The following PAK5 variants were observed in gnomAD, a reference collection of about 807,000 sequenced individuals.
PAK5 encodes serine/threonine-protein kinase PAK 5.
Under a neutral mutation model 65.9 loss-of-function variants are expected in PAK5, and 16 were observed. The ratio of observed to expected loss-of-function variants is 0.24; its 90% CI spans 0.16 to 0.37. PAK5 has a LOEUF of 0.37. PAK5 is among the 10% of genes least tolerant of loss of function. The probability of loss-of-function intolerance (pLI) is 1.00; values close to 1 mark genes in which losing one functional copy is unlikely to be tolerated. For missense variants in PAK5, 785 were observed against 903.9 expected (o/e 0.87, Z 1.69); for synonymous variants, 371 against 354.9 (o/e 1.05, Z -0.51).
chr20:9,759,074 A>G (rs2123641475), intron 1 of PAK5, among the ~76,000 whole-genome samples: 1 of 152,280 alleles, frequency 6.6e-6, no homozygotes, highest in South Asian at 2.1e-4. Context: ...ACTCTTACTG[A>G]GAAAGCAAGC....
chr20:9,661,716 T>G (rs1403130519), intron 2 of PAK5, among the ~76,000 whole-genome samples: 4 of 152,142 alleles, frequency 2.6e-5, no homozygotes. Context: ...GTCTTCATTC[T>G]AAAGGCATTT....
At chr20:9,766,247 T>A (rs1199962409) in intron 1 of PAK5, among the ~76,000 whole-genome samples, 2 of 146,710 alleles carry the variant, frequency 1.4e-5, no homozygotes, top group African/African-American at 2.5e-5. Context: ...GAAAAAAATA[T>A]ATATATATGT....
At chr20:9,662,140 G>A (rs1187975350) in intron 2 of PAK5, among the ~76,000 whole-genome samples, 7 of 152,132 alleles carry the variant, frequency 4.6e-5, no homozygotes, top group Non-Finnish European at 1.0e-4. Flanking sequence ...CCTATGTGAT[G>A]GGAAAATCAG....
At chr20:9,828,250 A>G (rs140807261) in intron 1 of PAK5, among the ~76,000 whole-genome samples, 1,975 of 152,304 alleles carry the variant, frequency 0.013, 36 homozygotes, top group African/African-American at 0.04. Context: ...TTAACCCTCA[A>G]AAAGGGTTAA....
chr20:9,564,704 A>G (rs2045645370), intron 5 of PAK5, among the ~76,000 whole-genome samples: 2 of 152,152 alleles, frequency 1.3e-5, no homozygotes, highest in African/African-American at 4.8e-5. Context: ...ATAAATTATC[A>G]GATATGAAGC....
At chr20:9,596,882 T>C (rs2046279715) in intron 3 of PAK5, among the ~76,000 whole-genome samples, 1 of 152,182 alleles carries the variant, frequency 6.6e-6, no homozygotes, top group South Asian at 2.1e-4. Flanking sequence ...AGGTATCTCC[T>C]TAAACAGCAG....
At chr20:9,823,572 G>C (rs557829356) in intron 1 of PAK5, among the ~76,000 whole-genome samples, 3 of 152,138 alleles carry the variant, frequency 2.0e-5, no homozygotes, top group Non-Finnish European at 4.4e-5. Context: ...CATGTAAGAC[G>C]ATCGTTTGCT....
intron 3 of PAK5, among the ~76,000 whole-genome samples, chr20:9,641,712 T>G (rs1180208949): frequency 6.6e-6 from 1 of 152,060 alleles, no homozygotes; most frequent in Non-Finnish European, 1.5e-5. Flanking sequence ...CATGGCGGGC[T>G]GCAGGTCCCA....
intron 1 of PAK5, among the ~76,000 whole-genome samples, chr20:9,729,650 GA>G (rs1452699853): frequency 6.6e-6 from 1 of 152,170 alleles, no homozygotes. Context: ...TTCTTGCCTA[GA>G]AAATTGATGT....
chr20:9,641,241 G>T (rs2047055933), intron 3 of PAK5, among the ~76,000 whole-genome samples: 1 of 151,740 alleles, frequency 6.6e-6, no homozygotes, highest in Admixed American at 6.6e-5. Flanking sequence ...TAAACACAGG[G>T]TGCTGATTGG....
At chr20:9,548,958 T>G (rs2045386003) in intron 7 of PAK5, among the ~76,000 whole-genome samples, 1 of 152,178 alleles carries the variant, frequency 6.6e-6, no homozygotes, top group Non-Finnish European at 1.5e-5. Context: ...AGAAGCTGGT[T>G]TAGCAGAGAG....
At chr20:9,727,307 C>G (rs1485769559) in intron 1 of PAK5, among the ~76,000 whole-genome samples, 2 of 152,040 alleles carry the variant, frequency 1.3e-5, no homozygotes, top group Non-Finnish European at 2.9e-5. Context: ...ACTGATTAAC[C>G]AAATCAGTGT....
intron 1 of PAK5, among the ~76,000 whole-genome samples, chr20:9,731,542 T>C (rs1050193107): frequency 6.6e-6 from 1 of 152,240 alleles, no homozygotes; most frequent in African/African-American, 2.4e-5. Context: ...TTTACTGTGA[T>C]GGTTAAAGGA....
chr20:9,640,614 C>G (rs2047043570), intron 3 of PAK5, among the ~76,000 whole-genome samples: 1 of 152,156 alleles, frequency 6.6e-6, no homozygotes, highest in Admixed American at 6.5e-5. Context: ...AAGAATGAAG[C>G]CGCGGACCCT....
intron 1 of PAK5, among the ~76,000 whole-genome samples, chr20:9,774,934 C>T (rs77151516): frequency 0.018 from 2,761 of 152,126 alleles, 61 homozygotes; most frequent in African/African-American, 0.047. Context: ...CCAGCCTGGG[C>T]GGCAGAGCGA....
rs976071539 is a variant in PAK5, at chr20:9,726,397, CAA to C, written c.-161-14964_-161-14963del. Among the ~76,000 whole-genome samples the C allele has an allele frequency of 1.1e-4, 16 of 152,094 alleles. 1 individual carries two copies. Among genetic ancestry groups the C allele is most frequent in the Admixed American group, 8.5e-4 (13 of 15,264 alleles). On this transcript the variant is annotated intron_variant, in intron 1 of 9. Transcript: ENST00000353224. ...TCAATTGACTTAGAAACATCGCAGTCAAAAAGTAATAGCCTCAGCAGCTCTGT... is the reference window on the plus strand; with the variant it reads ...TCAATTGACTTAGAAACATCGCAGTCAAAGTAATAGCCTCAGCAGCTCTGT...
intron 3 of PAK5, among the ~76,000 whole-genome samples, chr20:9,594,946 T>C (rs547470263): frequency 2.6e-5 from 4 of 152,238 alleles, no homozygotes; most frequent in Admixed American, 2.0e-4. Context: ...TCTGTGTATA[T>C]ATAAAATCAT....
In PAK5 at chr20:9,838,203, G is replaced by GCA. The variant is rs1979309526; in HGVS notation, c.-162+558_-162+559insTG. Among the ~76,000 whole-genome samples the GCA allele has an allele frequency of 8.4e-6, 1 of 118,346 alleles. No individual in the cohort carries two copies. Among genetic ancestry groups the GCA allele is most frequent in the Admixed American group, 7.9e-5 (1 of 12,606 alleles). 77.6% of individuals were successfully genotyped at this position (118,346 alleles called of 152,430 possible). A position where few individuals can be genotyped will look rare whatever the true frequency, so the allele number is the denominator to read the frequency against. ...CAGGCGCGCGCGCACACACACACGCGCGCACACACACACACACACAAATAA... is the reference window on the plus strand; with the variant it reads ...CAGGCGCGCGCGCACACACACACGCGCACGCACACACACACACACACAAATAA... On this transcript the variant is annotated intron_variant, in intron 1 of 9. Coordinates refer to ENST00000353224, the MANE Select transcript of PAK5 (RefSeq NM_177990.4). The surrounding 1 kb of genome is among the most constrained non-coding windows in gnomAD (Gnocchi z 4.5).
At position 9,542,662 on chromosome 20, in the gene PAK5, T is replaced by G; in HGVS notation, c.1928A>C (p.Tyr643Ser). The change falls in exon 9 of 10, where the codon TAC (tyrosine) becomes TCC (serine). Residue 643 changes from tyrosine (Y) to serine (S), a missense_variant. Coordinates refer to ENST00000353224, the MANE Select transcript of PAK5 (RefSeq NM_177990.4). ...VIEMIDGEPPYFNEPPLQAMR... is the reference protein window; with the variant it reads ...VIEMIDGEPPSFNEPPLQAMR... ...CGCCTGGAGGGGAGGCTCATTGAAG[T>G]AGGGGGGCTCGCCATCAATCATTTC... is the stretch of plus-strand genomic sequence containing the variant. 1 of 1,613,852 alleles carries G rather than the reference T, an allele frequency of 6.2e-7. No individual in the cohort carries two copies. Among genetic ancestry groups the G allele is most frequent in the Middle Eastern group, 1.7e-4 (1 of 6,060 alleles).
Sources: gnomAD v4.1 joint callset for allele counts (sites outside exome capture counted in the v4.1 genomes callset) on GRCh38, gnomAD v4.1.1 for gene constraint, Gnocchi (gnomAD v3.1) non-coding constraint, MANE v1.5 for transcripts, NCBI Gene and HGNC (gene_info 2026-07-23, HGNC 2026-07-21) for gene names.